Variants in HHIPL1 observed in about 807,000 individuals in gnomAD.
HHIPL1 encodes the protein HHIP like 1, also known as HHIP-like protein 1.
Under a neutral mutation model 61.8 loss-of-function variants are expected in HHIPL1, and 43 were observed. The observed-to-expected ratio is 0.70, with a 90% confidence interval of 0.55 to 0.90. HHIPL1 has a LOEUF of 0.90. Among genes scored for constraint, HHIPL1 ranks in the 40% least tolerant of loss-of-function variants. HHIPL1 has a pLI of 0.00. For synonymous variants in HHIPL1, 482 were observed against 515.8 expected (o/e 0.93, Z 0.89); for missense variants, 1,056 against 1,157.7 (o/e 0.91, Z 1.28).
chr14:99,629,269 G>C, the HHIPL1 span, among the ~76,000 whole-genome samples: 2 of 152,214 alleles, frequency 1.3e-5, no homozygotes, highest in Non-Finnish European at 2.9e-5. Context: ...GCTGGACTAT[G>C]CCGCTGAAAA....
chr14:99,606,057 G>T, the HHIPL1 span, among the ~76,000 whole-genome samples: 1 of 152,140 alleles, frequency 6.6e-6, no homozygotes, highest in Non-Finnish European at 1.5e-5. Flanking sequence ...AGAAGAGATG[G>T]AGGGGAGTAC....
chr14:99,618,367 T>C, the HHIPL1 span, among the ~76,000 whole-genome samples: 2 of 152,182 alleles, frequency 1.3e-5, no homozygotes, highest in African/African-American at 2.4e-5. Flanking sequence ...ACTGGACTGG[T>C]CCGATCCTAG....
Position 99,652,281 on chromosome 14 carries a change from C to A in HHIPL1, c.313C>A (p.Arg105Ser), listed in dbSNP as rs200203805. 2.5e-6 allele frequency: 4 copies of A among 1,613,672 alleles called. No individual in the cohort carries two copies. Among genetic ancestry groups the A allele is most frequent in the Non-Finnish European group, 3.4e-6 (4 of 1,180,010 alleles). ...YDAEDPFTPL[R>S]TVPGLCQDYC... is the part of the protein sequence containing the mutation. ...CGCCGAGGACCCATTCACGCCCCTG[C>A]GCACGGTGCCCGGGCTCTGCCAGGA... The change falls in exon 2 of 9, where the codon CGC (arginine) becomes AGC (serine). Residue 105 changes from arginine (R) to serine (S), a missense_variant. Physicochemically the swap from Arg to Ser is moderately radical, Grantham distance 110 (BLOSUM62 -1). Transcript: ENST00000330710.
In HHIPL1 at chr14:99,668,230, T is replaced by C; in HGVS notation, c.1657T>C (p.Tyr553His). 1 of 1,607,580 alleles carries C rather than the reference T, an allele frequency of 6.2e-7. No individual in the cohort carries two copies. The highest frequency in any genetic ancestry group is 8.5e-7 in the Non-Finnish European group (1 of 1,174,108). Reference protein sequence around the residue: ...SFGEDEAGELYFMSTGEPSAT... With the variant: ...SFGEDEAGELHFMSTGEPSAT... The stretch of plus-strand genomic sequence containing the variant: ...CTTTGTTCTGTCCAAAGGGGAGCTG[T>C]ACTTCATGTCGACAGGGGAGCCGAG... The change falls in exon 7 of 9, where the codon TAC (tyrosine) becomes CAC (histidine). Residue 553 changes from tyrosine to histidine, a missense_variant. Transcript: ENST00000330710. This position sits in a 1 kb window ranked among gnomAD's most constrained non-coding sequence, Gnocchi z 4.7.
intron 6 of HHIPL1, among the ~76,000 whole-genome samples, chr14:99,663,284 T>C (rs1256131634): frequency 1.3e-5 from 2 of 152,132 alleles, no homozygotes; most frequent in African/African-American, 4.8e-5. Flanking sequence ...AGTAAAGGAA[T>C]AGAAGAATGG....
chr14:99,646,120 C>T (rs2055829827), intron 1 of HHIPL1, among the ~76,000 whole-genome samples: 1 of 152,290 alleles, frequency 6.6e-6, no homozygotes, highest in Non-Finnish European at 1.5e-5. Context: ...CCCCATCTTC[C>T]CTCTGAGGGT....
At chr14:99,653,460 GTAACT>G (rs1435987823) in intron 2 of HHIPL1, among the ~76,000 whole-genome samples, 1 of 152,206 alleles carries the variant, frequency 6.6e-6, no homozygotes, top group African/African-American at 2.4e-5. Context: ...AGCCTCCTGA[GTAACT>G]GGGACTACAG....
intron 7 of HHIPL1, among the ~76,000 whole-genome samples, chr14:99,669,712 C>A (rs2056304871): frequency 6.6e-6 from 1 of 152,080 alleles, no homozygotes; most frequent in African/African-American, 2.4e-5. Flanking sequence ...GTTTCATGAG[C>A]CCAGAAATTC....
the HHIPL1 span, among the ~76,000 whole-genome samples, chr14:99,627,736 C>T: frequency 1.3e-5 from 2 of 152,166 alleles, no homozygotes; most frequent in African/African-American, 4.8e-5. This position sits in a 1 kb window ranked among gnomAD's most constrained non-coding sequence, Gnocchi z 4.4. Flanking sequence ...CTGGAACAGG[C>T]CTTAAGAGCT....
chr14:99,657,215 T>G (rs1595156662), intron 3 of HHIPL1, 72 bp downstream of exon 3: 1 of 1,532,136 alleles, frequency 6.5e-7, no homozygotes, highest in Non-Finnish European at 8.9e-7. Flanking sequence ...TTCCAGAGGG[T>G]GAGTTCCTTC....
upstream of HHIPL1, among the ~76,000 whole-genome samples, chr14:99,643,128 C>T (rs1566802802): frequency 1.3e-5 from 2 of 152,110 alleles, no homozygotes; most frequent in Non-Finnish European, 2.9e-5. Flanking sequence ...ACAGCCTCCG[C>T]CTCCTGGGTT....
chr14:99,629,899 C>A, the HHIPL1 span, among the ~76,000 whole-genome samples: 5 of 152,352 alleles, frequency 3.3e-5, no homozygotes, highest in East Asian at 7.7e-4. Flanking sequence ...GGACAGAAAG[C>A]AGCCTGAAAG....
At position 99,646,832 on chromosome 14, in the gene HHIPL1, GATATAATATAATATA is replaced by G. The variant is rs1186393743; in HGVS notation, c.255+1385_255+1399del. Among the ~76,000 whole-genome samples the G allele has an allele frequency of 5.6e-3, 645 of 114,976 alleles. 4 individuals carry two copies. The highest frequency in any genetic ancestry group is 0.019 in the African/African-American group (585 of 31,154). The allele number at this position is 114,976 out of a possible 152,430, so 75.4% of individuals were successfully genotyped here. ...GATATGATATGATATGATATGATAT[GATATAATATAATATA>G]ATATAATATAATATGATATAATATG... On this transcript the variant is annotated intron_variant, in intron 1 of 8. Transcript: ENST00000330710.
chr14:99,632,882 TGA>T, the HHIPL1 span, among the ~76,000 whole-genome samples: 5 of 150,438 alleles, frequency 3.3e-5, no homozygotes, highest in Non-Finnish European at 3.0e-5. Flanking sequence ...GGTGTGTGTG[TGA>T]GAGAGAGAGA....
chr14:99,675,118 C>A lies in HHIPL1; in HGVS notation c.1841C>A (p.Pro614Gln). 8.6e-7 allele frequency: 1 copy of A among 1,159,082 alleles called. No homozygotes were observed. Among genetic ancestry groups the A allele is most frequent in the Non-Finnish European group, 1.1e-6 (1 of 929,954 alleles). 71.8% of individuals were successfully genotyped at this position (1,159,082 alleles called of 1,614,324 possible). Residue 614 changes from proline (P) to glutamine (Q), a missense_variant, in exon 9 of 9, where the codon CCG becomes CAG. Coordinates refer to ENST00000330710, the MANE Select transcript of HHIPL1 (RefSeq NM_001127258.3). The surrounding 1 kb of genome is among the most constrained non-coding windows in gnomAD (Gnocchi z 5.4). ...TTCATCCCGAAGACACGGAGCACCC[C>A]GCGGCCTACAGCGCGGGCGCCCACG... ...EKFIPKTRST[P>Q]RPTARAPTRA...
chr14:99,623,778 C>T, the HHIPL1 span, among the ~76,000 whole-genome samples: 3 of 152,100 alleles, frequency 2.0e-5, no homozygotes, highest in Admixed American at 2.0e-4. Flanking sequence ...GTGCCAGACT[C>T]CCCTCCCGAG....
At chr14:99,659,826 G>C in intron 4 of HHIPL1, 70 bp downstream of exon 4, 1 of 860,690 alleles carries the variant, frequency 1.2e-6, no homozygotes, top group Non-Finnish European at 1.5e-6. Context: ...CTGTGCCGCA[G>C]GGCCTCCCTC....
At chr14:99,619,357 G>T in the HHIPL1 span, among the ~76,000 whole-genome samples, 19 of 151,872 alleles carry the variant, frequency 1.3e-4, no homozygotes, top group African/African-American at 4.6e-4. Context: ...AGCTACTTGG[G>T]AGGCTGAGGC....
intron 2 of HHIPL1, 145 bp downstream of exon 2, chr14:99,653,015 G>A (rs1454564642): frequency 4.9e-6 from 4 of 809,636 alleles, no homozygotes; most frequent in African/African-American, 3.5e-5. Context: ...TTTGGGGCCT[G>A]GAGAAGGACA....
Sources: gnomAD v4.1 joint callset for allele counts (sites outside exome capture counted in the v4.1 genomes callset) on GRCh38, gnomAD v4.1.1 for gene constraint, Gnocchi (gnomAD v3.1) non-coding constraint, MANE v1.5 for transcripts, NCBI Gene and HGNC (gene_info 2026-07-23, HGNC 2026-07-21) for gene names.